ZNF621: variants seen among roughly 807,000 people sequenced by gnomAD.
The protein encoded by ZNF621 is zinc finger protein 621.
In ZNF621, 6 loss-of-function variants were observed where a neutral mutation model predicts 12.7. The observed-to-expected ratio is 0.47, with a 90% confidence interval of 0.26 to 0.93. ZNF621 has a LOEUF of 0.93. Ranked by LOEUF, ZNF621 falls within the 40% of genes least tolerant of loss-of-function variation. ZNF621 has a pLI of 0.15. For synonymous variants in ZNF621, 156 were observed against 190.3 expected, an observed-to-expected ratio of 0.82 and a Z score of 1.48; for missense variants, 474 against 524.0, an observed-to-expected ratio of 0.90 and a Z score of 0.93.
Position 40,532,480 on chromosome 3 carries a change from G to A in ZNF621, c.710G>A (p.Cys237Tyr). The A allele has an allele frequency of 1.9e-6, 3 of 1,614,188 alleles. No individual in the cohort carries two copies. Among genetic ancestry groups the A allele is most frequent in the Non-Finnish European group, 2.5e-6 (3 of 1,180,046 alleles). Residue 237 changes from cysteine (C) to tyrosine (Y), a missense_variant, in exon 5 of 5, where the codon TGT becomes TAT. Coordinates refer to ENST00000339296, the MANE Select transcript of ZNF621 (RefSeq NM_198484.5). The stretch of plus-strand genomic sequence containing the variant: ...CACACTGGAGAGAAACCCTATGAAT[G>A]TAAAGAGTGTGGAAAGGCTTTCCGT... ...RIHTGEKPYE[C>Y]KECGKAFRRS...
chr3:40,530,096 T>A, intron 3 of ZNF621, 113 bp from the exon 4 acceptor site: 1 of 768,708 alleles, frequency 1.3e-6, no homozygotes, highest in Admixed American at 2.4e-5. Context: ...TCACTTGGTC[T>A]GCTGGTGTTC....
intron 1 of ZNF621, 198 bp from the exon 2 acceptor site, chr3:40,525,581 G>A (rs550477830): frequency 1.6e-6 from 1 of 615,424 alleles, no homozygotes; most frequent in Admixed American, 2.9e-5. Context: ...GACTGAGCAG[G>A]CAGGTGGAAG....
At position 40,533,120 on chromosome 3, in the gene ZNF621, TG is replaced by T. The variant is rs780989307; in HGVS notation, c.*31del. ...TATCTTGGCAGTCTTACGGCTCTTA[TG>T]CCTAGCAAATCTCCAGCCTAATTTT... On this transcript the variant is annotated 3_prime_UTR_variant, in exon 5 of 5. Coordinates refer to ENST00000339296, the MANE Select transcript of ZNF621 (RefSeq NM_198484.5). 2 of 1,538,556 alleles carry T rather than the reference TG, an allele frequency of 1.3e-6. No homozygotes were observed. The highest frequency in any genetic ancestry group is 2.4e-5 in the South Asian group (2 of 83,122).
Position 40,538,386 on chromosome 3 carries a change from G to A in ZNF621, c.*5296G>A, listed in dbSNP as rs552559089. On this transcript the variant is annotated 3_prime_UTR_variant, in exon 5 of 5. Coordinates refer to ENST00000339296, the MANE Select transcript of ZNF621 (RefSeq NM_198484.5). Reference sequence around the variant, plus strand: ...AAATTAGCTGGATGTGGTGGTGTGTGCCTGTAATCCCAGCTACTTGGGAGG... The same window carrying A: ...AAATTAGCTGGATGTGGTGGTGTGTACCTGTAATCCCAGCTACTTGGGAGG... 8.4e-5 allele frequency: 18 copies of A among 215,386 alleles called. No homozygotes were observed. The East Asian group carries it at 2.3e-3, about 27-fold the overall frequency. 13.3% of individuals were successfully genotyped at this position (215,386 alleles called of 1,614,324 possible). A position where few individuals can be genotyped will look rare whatever the true frequency, so the allele number is the denominator to read the frequency against.
chr3:40,530,494 G>A (rs1172939672), intron 4 of ZNF621, among the ~76,000 whole-genome samples, 178 bp downstream of exon 4: 1 of 152,204 alleles, frequency 6.6e-6, no homozygotes, highest in Non-Finnish European at 1.5e-5. Flanking sequence ...ACCTCTGGGA[G>A]TACATGGCCT....
chr3:40,525,005 C>T lies in ZNF621; in HGVS notation c.-332C>T, dbSNP rs554663527. 2 of 152,484 alleles carry T rather than the reference C, an allele frequency of 1.3e-5. No homozygotes were observed. The highest frequency in any genetic ancestry group is 6.5e-5 in the Admixed American group (1 of 15,310). The allele number at this position is 152,484 out of a possible 1,614,324, so 9.4% of individuals were successfully genotyped here. Reference sequence around the variant, plus strand: ...TAGTGACCAGCTCCTCGGCGTTCTGCAGAGCGTGGGTTTCAGCGAGTTCTA... The same window carrying T: ...TAGTGACCAGCTCCTCGGCGTTCTGTAGAGCGTGGGTTTCAGCGAGTTCTA... On this transcript the variant is annotated 5_prime_UTR_variant, in exon 1 of 5. Coordinates refer to ENST00000339296, the MANE Select transcript of ZNF621 (RefSeq NM_198484.5).
At position 40,525,809 on chromosome 3, in the gene ZNF621, A is replaced by G. The variant is rs368029743; in HGVS notation, c.-32A>G. 2.5e-6 allele frequency: 4 copies of G among 1,614,038 alleles called. No individual in the cohort carries two copies. The highest frequency in any genetic ancestry group is 1.3e-5 in the African/African-American group (1 of 74,912). On this transcript the variant is annotated 5_prime_UTR_variant, in exon 2 of 5. Transcript: ENST00000339296. Reference sequence around the variant, plus strand: ...GAGGATCTTGCTTGTCCAAACCCAGAAGACAGTGCATGAAGCCAGGGGACA... The same window carrying G: ...GAGGATCTTGCTTGTCCAAACCCAGGAGACAGTGCATGAAGCCAGGGGACA...
intron 3 of ZNF621, 109 bp downstream of exon 3, chr3:40,529,554 C>A (rs1296177558): frequency 1.3e-6 from 2 of 1,588,656 alleles, no homozygotes; most frequent in Admixed American, 1.7e-5. Context: ...GTTTTGCAAT[C>A]AGCAGCCTCC....
rs199940962 is a variant in ZNF621 at position 40,532,820 on chromosome 3, C to T, written c.1050C>T (p.Val350=). 10 of 1,614,168 alleles carry T rather than the reference C, an allele frequency of 6.2e-6. No individual in the cohort carries two copies. The highest frequency in any genetic ancestry group is 8.5e-6 in the Non-Finnish European group (10 of 1,180,022). ...CTGTGGAGAAGAAGCCAGTCAAGGT[C>T]CTTGGGCCATCCCTGGTCAGTCCCC... ...LHPVEKKPVK[V]LGPSLVSPQC... is the part of the protein sequence containing the mutation. The change falls in exon 5 of 5, where the codon GTC becomes GTT. Residue 350 remains valine, a synonymous_variant. Transcript: ENST00000339296.
chr3:40,538,997 C>T lies in ZNF621; in HGVS notation c.*5907C>T, dbSNP rs1042715007. The T allele has an allele frequency of 6.6e-6, 1 of 152,514 alleles. No individual in the cohort carries two copies. The highest frequency in any genetic ancestry group is 2.4e-5 in the African/African-American group (1 of 41,424). 9.4% of individuals were successfully genotyped at this position (152,514 alleles called of 1,614,324 possible). ...GAATTGCTGCAATCTCATGATAAAA[C>T]GTGAACAAATGAGGAGTTGCTTCTA... On this transcript the variant is annotated 3_prime_UTR_variant, in exon 5 of 5. Transcript: ENST00000339296.
chr3:40,527,270 G>C (rs982230948), intron 2 of ZNF621, among the ~76,000 whole-genome samples: 1 of 152,064 alleles, frequency 6.6e-6, no homozygotes, highest in Non-Finnish European at 1.5e-5. Flanking sequence ...GCCTGCCTCA[G>C]CCTCCCAAAG....
intron 4 of ZNF621, among the ~76,000 whole-genome samples, chr3:40,531,471 T>C (rs1194671647): frequency 6.6e-6 from 1 of 152,240 alleles, no homozygotes; most frequent in Non-Finnish European, 1.5e-5. Context: ...TCACCTACCT[T>C]AGTTCAATTT....
chr3:40,537,359 C>G lies in ZNF621; in HGVS notation c.*4269C>G, dbSNP rs988630138. 6.6e-6 allele frequency: 1 copy of G among 152,216 alleles called. No homozygotes were observed. Among genetic ancestry groups the G allele is most frequent in the Non-Finnish European group, 1.5e-5 (1 of 68,100 alleles). The allele number at this position is 152,216 out of a possible 1,614,324, so 9.4% of individuals were successfully genotyped here. ...GCTGACACCTAGAATCCCAGCACTT[C>G]GGGGAGCCAAAGCGGGAGGATCCCC... On this transcript the variant is annotated 3_prime_UTR_variant, in exon 5 of 5. Transcript: ENST00000339296.
intron 1 of ZNF621, 37 bp from the exon 2 acceptor site, chr3:40,525,741 GA>G: frequency 6.4e-7 from 1 of 1,564,956 alleles, no homozygotes. Flanking sequence ...GGTGGTGGAC[GA>G]CAGGGTCCTT....
rs1477523977 is a variant in ZNF621 at position 40,539,532 on chromosome 3, AAAAAT to A, written c.*6445_*6449del. ...ATAACTTTTATAGGTACTGGAAAAT[AAAAAT>A]AATTGTGTGACTCCCTTTATTGTGT... On this transcript the variant is annotated 3_prime_UTR_variant, in exon 5 of 5. Transcript: ENST00000339296. 1 of 152,360 alleles carries A rather than the reference AAAAAT, an allele frequency of 6.6e-6. No homozygotes were observed. The highest frequency in any genetic ancestry group is 6.5e-5 in the Admixed American group (1 of 15,298). 9.4% of individuals were successfully genotyped at this position (152,360 alleles called of 1,614,324 possible).
At chr3:40,524,554 A>G (rs1698529860), upstream of ZNF621, among the ~76,000 whole-genome samples, 2 of 152,228 alleles carry the variant, frequency 1.3e-5, no homozygotes, top group Non-Finnish European at 2.9e-5. Flanking sequence ...GGACCCAAGC[A>G]AGATCCTGGG....
rs1575307386 is a variant in ZNF621 at position 40,530,988 on chromosome 3, C to A, written c.259+672C>A. Among the ~76,000 whole-genome samples the A allele has an allele frequency of 1.3e-5, 2 of 152,138 alleles. 1 individual carries two copies. The highest frequency in any genetic ancestry group is 4.1e-4 in the South Asian group (2 of 4,824). ...AGTCCTGGAAGGTTTTGTTTACTTG[C>A]GTTTCCATTTCTTCAGAAGAAAATT... On this transcript the variant is annotated intron_variant, in intron 4 of 4. Coordinates refer to ENST00000339296, the MANE Select transcript of ZNF621 (RefSeq NM_198484.5).
At chr3:40,524,318 A>T (rs1013497342), upstream of ZNF621, among the ~76,000 whole-genome samples, 1 of 152,250 alleles carries the variant, frequency 6.6e-6, no homozygotes, top group Non-Finnish European at 1.5e-5. Context: ...AAAAAGCTAA[A>T]TATAAGACAT....
chr3:40,523,868 G>C (rs1165211582), upstream of ZNF621, among the ~76,000 whole-genome samples: 1 of 151,878 alleles, frequency 6.6e-6, no homozygotes, highest in African/African-American at 2.4e-5. Context: ...CCAGAAGGAA[G>C]GGCACAGTAG....
Sources: allele counts gnomAD v4.1 joint callset (sites outside exome capture counted in the v4.1 genomes callset), GRCh38; gene constraint gnomAD v4.1.1; transcripts MANE v1.5; gene names NCBI Gene and HGNC (gene_info 2026-07-23, HGNC 2026-07-21).